The following ATP13A3 variants were observed in gnomAD, a reference collection of about 807,000 sequenced individuals.
The protein encoded by ATP13A3 is polyamine-transporting ATPase 13A3.
Under a neutral mutation model 158.1 loss-of-function variants are expected in ATP13A3, and 59 were observed. The observed-to-expected ratio is 0.37, with a 90% CI of 0.30 to 0.46. ATP13A3 has a LOEUF of 0.46. Ranked by LOEUF, ATP13A3 falls within the 20% of genes least tolerant of loss-of-function variation. ATP13A3 has a pLI of 1.00. For synonymous variants in ATP13A3, 491 were observed against 504.3 expected (o/e 0.97, Z 0.35); for missense variants, 1,166 against 1,525.2 (o/e 0.76, Z 3.92).
chr3:194,413,195 T>C (rs891391558), intron 32 of ATP13A3: 17 of 154,836 alleles, frequency 1.1e-4, no homozygotes, highest in Admixed American at 9.5e-4. Flanking sequence ...CTACACAATA[T>C]ACAGTGAATC....
chr3:194,454,321 A>G lies in ATP13A3; in HGVS notation c.702T>C (p.Tyr234=), dbSNP rs1447101402. 1 of 1,606,662 alleles carries G rather than the reference A, an allele frequency of 6.2e-7. No homozygotes were observed. The highest frequency in any genetic ancestry group is 8.5e-7 in the Non-Finnish European group (1 of 1,173,530). The change falls in exon 9 of 34, where the codon TAT becomes TAC. Residue 234 remains tyrosine, a synonymous_variant. Coordinates refer to ENST00000645319, the MANE Select transcript of ATP13A3 (RefSeq NM_001367549.1). ...TGGACATAACCACAATAGCTAGAGC[A>G]TAGTAATAGTATTCATCAGTGCTCC... ...ILWSTDEYYY[Y]ALAIVVMSIV...
intron 2 of ATP13A3, among the ~76,000 whole-genome samples, chr3:194,492,282 T>C (rs898638654): frequency 1.3e-5 from 2 of 152,164 alleles, no homozygotes; most frequent in Non-Finnish European, 1.5e-5. Context: ...TCCCTTTTTT[T>C]CTTGCCTGAC....
At chr3:194,466,083 T>A (rs1719972532) in intron 2 of ATP13A3, among the ~76,000 whole-genome samples, 1 of 152,026 alleles carries the variant, frequency 6.6e-6, no homozygotes, top group Admixed American at 6.6e-5. Context: ...TATATTGAAA[T>A]GTGTAACATG....
intron 2 of ATP13A3, among the ~76,000 whole-genome samples, chr3:194,471,434 A>ACCTCTG (rs1334729171): frequency 6.6e-6 from 1 of 151,830 alleles, no homozygotes; most frequent in Non-Finnish European, 1.5e-5. Flanking sequence ...GCTCACTGCA[A>ACCTCTG]CCTCTGCCTT....
intron 2 of ATP13A3, among the ~76,000 whole-genome samples, chr3:194,483,040 G>A (rs1259145357): frequency 2.0e-5 from 3 of 150,972 alleles, no homozygotes; most frequent in Non-Finnish European, 4.4e-5. Context: ...CCAGGAGGCG[G>A]AAGTTGCAGT....
chr3:194,420,016 TA>T, intron 30 of ATP13A3, 49 bp from the exon 31 acceptor site: 1 of 1,459,864 alleles, frequency 6.8e-7, no homozygotes, highest in Non-Finnish European at 9.0e-7. Flanking sequence ...AATTCCTTTA[TA>T]TAAAAAGGCA....
At chr3:194,487,369 G>C (rs1209699611), upstream of ATP13A3, 1 of 152,402 alleles carries the variant, frequency 6.6e-6, no homozygotes, top group Non-Finnish European at 1.5e-5. Flanking sequence ...GTTGCCCAGA[G>C]TCATGGTCAT....
intron 21 of ATP13A3, among the ~76,000 whole-genome samples, chr3:194,432,214 G>A (rs767103487): frequency 1.3e-5 from 2 of 152,178 alleles, no homozygotes; most frequent in African/African-American, 4.8e-5. Context: ...CACAGATCAG[G>A]TGGCTCAATA....
intron 29 of ATP13A3, 148 bp from the exon 30 acceptor site, chr3:194,425,677 GAT>G: frequency 1.6e-6 from 1 of 625,150 alleles, no homozygotes; most frequent in Non-Finnish European, 2.6e-6. Context: ...ATCAATATAA[GAT>G]ATATAAAACA....
chr3:194,454,260 TTCTAA>T lies in ATP13A3; in HGVS notation c.758_762del (p.Ile253LysfsTer8), dbSNP rs1560101477. ...ACCCATAATAAATTTGAACTTACCTTTCTAATGGAATATAGTGAGCTTACGATTGA... is the reference window on the plus strand; with the variant it reads ...ACCCATAATAAATTTGAACTTACCTTTGGAATATAGTGAGCTTACGATTGA... On this transcript the variant is annotated frameshift_variant, in exon 9 of 34. Coordinates refer to ENST00000645319, the MANE Select transcript of ATP13A3 (RefSeq NM_001367549.1). LOFTEE classifies it high-confidence loss of function. The T allele has an allele frequency of 6.3e-7, 1 of 1,599,322 alleles. No homozygotes were observed.
intron 31 of ATP13A3, among the ~76,000 whole-genome samples, chr3:194,414,077 A>G (rs1002224144): frequency 1.3e-5 from 2 of 152,200 alleles, no homozygotes; most frequent in Non-Finnish European, 2.9e-5. Flanking sequence ...GGTTAGAGTC[A>G]AATCCTGTTC....
Position 194,405,844 on chromosome 3 carries a change from C to T in ATP13A3, c.*75G>A. 2.7e-6 allele frequency: 4 copies of T among 1,500,612 alleles called. No individual in the cohort carries two copies. The South Asian group carries it at 4.6e-5, about 17-fold the overall frequency. The allele number at this position is 1,500,612 out of a possible 1,614,324, so 93.0% of individuals were successfully genotyped here. A position where few individuals can be genotyped will look rare whatever the true frequency, so the allele number is the denominator to read the frequency against. On this transcript the variant is annotated 3_prime_UTR_variant, in exon 34 of 34. Coordinates refer to ENST00000645319, the MANE Select transcript of ATP13A3 (RefSeq NM_001367549.1). ...AAACTGAACTAGTGCCATTCTGACA[C>T]ACAGGATCAGAAACTCCTAAAATCA...
At chr3:194,482,135 T>C (rs1227560060) in intron 2 of ATP13A3, among the ~76,000 whole-genome samples, 7 of 152,258 alleles carry the variant, frequency 4.6e-5, no homozygotes, top group Non-Finnish European at 4.4e-5. Flanking sequence ...TATTCCGTTT[T>C]TCTCCCTTCT....
At chr3:194,474,222 G>A (rs1237450712) in intron 2 of ATP13A3, among the ~76,000 whole-genome samples, 2 of 152,102 alleles carry the variant, frequency 1.3e-5, no homozygotes, top group Non-Finnish European at 1.5e-5. Flanking sequence ...GGAAGACAGT[G>A]GCACCGTCAC....
At position 194,441,412 on chromosome 3, in the gene ATP13A3, G is replaced by A; in HGVS notation, c.1609C>T (p.Gln537Ter). 1 of 1,613,458 alleles carries A rather than the reference G, an allele frequency of 6.2e-7. No homozygotes were observed. Among genetic ancestry groups the A allele is most frequent in the Non-Finnish European group, 8.5e-7 (1 of 1,179,548 alleles). Residue 537 changes from glutamine (Q) to a stop codon, truncating the protein, a stop_gained, in exon 16 of 34, where the codon CAG becomes TAG. Transcript: ENST00000645319. LOFTEE classifies it high-confidence loss of function. ...NVCNEMLVKS[Q>*]FVACMATCHS... is the part of the protein sequence containing the mutation. ...CAAGTAGCCATACAAGCAACAAACTGGGATTTTACCAACATCTCATTGCAC... is the reference window on the plus strand; with the variant it reads ...CAAGTAGCCATACAAGCAACAAACTAGGATTTTACCAACATCTCATTGCAC...
chr3:194,424,790 G>A (rs548273450), intron 30 of ATP13A3, among the ~76,000 whole-genome samples: 2 of 152,254 alleles, frequency 1.3e-5, no homozygotes, highest in South Asian at 4.1e-4. Context: ...CCTCCATTCA[G>A]TATACTGGCC....
At chr3:194,436,482 A>C (rs1166637929) in intron 20 of ATP13A3, among the ~76,000 whole-genome samples, 1 of 152,238 alleles carries the variant, frequency 6.6e-6, no homozygotes, top group Non-Finnish European at 1.5e-5. Flanking sequence ...ACTTCTAAAA[A>C]ATTACATTTA....
intron 30 of ATP13A3, among the ~76,000 whole-genome samples, chr3:194,424,205 TAATA>T (rs1165273238): frequency 6.6e-6 from 1 of 151,664 alleles, no homozygotes; most frequent in Admixed American, 6.6e-5. Flanking sequence ...AATACACAAC[TAATA>T]AATAATATAG....
Position 194,412,792 on chromosome 3 carries a change from A to G in ATP13A3, c.3484-504T>C, listed in dbSNP as rs116946514. 9.7e-4 allele frequency: 149 copies of G among 154,122 alleles called. No individual in the cohort carries two copies. In the East Asian group the frequency reaches 0.014, roughly 15 times the overall value. 9.5% of individuals were successfully genotyped at this position (154,122 alleles called of 1,614,324 possible). ...ATGTGCTTCCTAGCACCCATAAAAT[A>G]GAAAAAAAATCACATTTCAATGGGC... On this transcript the variant is annotated intron_variant, in intron 32 of 33. Transcript: ENST00000645319.
Sources: allele counts gnomAD v4.1 joint callset (sites outside exome capture counted in the v4.1 genomes callset), GRCh38; gene constraint gnomAD v4.1.1; transcripts MANE v1.5; gene names NCBI Gene and HGNC (gene_info 2026-07-23, HGNC 2026-07-21).